The following C6orf132 variants were observed in gnomAD, a reference collection of about 807,000 sequenced individuals.
C6orf132 encodes uncharacterized protein C6orf132.
In C6orf132, 43 loss-of-function variants were observed where a neutral mutation model predicts 65.3. That is an observed-to-expected ratio of 0.66 (90% CI 0.52 to 0.85). The LOEUF is 0.85. Ranked by LOEUF, C6orf132 falls within the 40% of genes least tolerant of loss-of-function variation. C6orf132 has a pLI of 0.00. For synonymous variants in C6orf132, 631 were observed against 654.1 expected (o/e 0.96, Z 0.54); for missense variants, 1,488 against 1,548.8 (o/e 0.96, Z 0.66).
At chr6:42,121,684 C>T (rs550921510) in intron 2 of C6orf132, among the ~76,000 whole-genome samples, 2 of 152,356 alleles carry the variant, frequency 1.3e-5, no homozygotes, top group Admixed American at 6.5e-5. Flanking sequence ...AGCTACGCAT[C>T]GTGGAATGCA....
rs1447276724 is a variant in C6orf132 at position 42,131,909 on chromosome 6, C to T, written c.146-3131G>A. Among the ~76,000 whole-genome samples the T allele has an allele frequency of 2.0e-5, 3 of 152,184 alleles. No individual in the cohort carries two copies. The South Asian group carries it at 6.2e-4, about 32-fold the overall frequency. ...AGGTGGCTCCTCTCGCTACCAGGCA[C>T]CTCTGGAAAATCGGATTTGATTTCC... On this transcript the variant is annotated intron_variant, in intron 1 of 4. Transcript: ENST00000341865.
At chr6:42,120,783 G>C (rs924474094) in intron 2 of C6orf132, among the ~76,000 whole-genome samples, 1 of 150,688 alleles carries the variant, frequency 6.6e-6, no homozygotes, top group African/African-American at 2.4e-5. Context: ...CACCATGCCC[G>C]GCTAATTTTT....
intron 3 of C6orf132, among the ~76,000 whole-genome samples, chr6:42,107,906 C>G (rs931064576): frequency 6.6e-6 from 1 of 152,126 alleles, no homozygotes; most frequent in African/African-American, 2.4e-5. Context: ...GGGGTGGGGA[C>G]AAGAGGGCCA....
At position 42,107,357 on chromosome 6, in the gene C6orf132, G is replaced by T; in HGVS notation, c.555C>A (p.Ser185Arg). 2 of 1,024,650 alleles carry T rather than the reference G, an allele frequency of 2.0e-6. No homozygotes were observed. Among genetic ancestry groups the T allele is most frequent in the Non-Finnish European group, 2.8e-6 (2 of 712,484 alleles). 63.5% of individuals were successfully genotyped at this position (1,024,650 alleles called of 1,614,324 possible). ...PLLLEPPPPP[S>R]MAPPPPPVLE... is the part of the protein sequence containing the mutation. ...ATACTGGGGGTGGAGGTGGGGCCAT[G>T]CTGGGCGGGGGTGGGGGTTCCAGCA... Residue 185 changes from serine to arginine, a missense_variant, in exon 4 of 5, where the codon AGC (serine) becomes AGA (arginine). By Grantham distance (110) the Ser-to-Arg change is moderately radical. Coordinates refer to ENST00000341865, the MANE Select transcript of C6orf132 (RefSeq NM_001164446.3).
chr6:42,131,655 G>A (rs563349432), intron 1 of C6orf132, among the ~76,000 whole-genome samples: 53 of 152,326 alleles, frequency 3.5e-4, no homozygotes, highest in Non-Finnish European at 7.2e-4. Context: ...CAGCTTGTTC[G>A]AAGCCTGCTG....
rs1410933482 is a variant in C6orf132, at chr6:42,115,296, A to G, written c.253-5005T>C. Among the ~76,000 whole-genome samples, 11 of 150,368 alleles carry G rather than the reference A, an allele frequency of 7.3e-5. 1 individual carries two copies. Among genetic ancestry groups the G allele is most frequent in the Admixed American group, 7.3e-4 (11 of 15,096 alleles). ...CAGAGTAAGACTCCATCTCAAAAAA[A>G]AAAAAAAAAAGAAAAGAAAAAGTTA... On this transcript the variant is annotated intron_variant, in intron 2 of 4. Transcript: ENST00000341865.
Position 42,103,826 on chromosome 6 carries a change from T to G in C6orf132, c.3502A>C (p.Arg1168=), listed in dbSNP as rs1285421622. Residue 1168 remains arginine, a synonymous_variant, in exon 5 of 5, where the codon AGG becomes CGG. Transcript: ENST00000341865. The stretch of plus-strand genomic sequence containing the variant: ...GAGATGGGATGGCGGGTCCCAGGCC[T>G]CACGGTGAACGTGTTGATGGGGCTT... ...YGSPINTFTV[R]PGTRHPISYV... is the part of the protein sequence containing the mutation. 3 of 1,491,532 alleles carry G rather than the reference T, an allele frequency of 2.0e-6. No individual in the cohort carries two copies. The South Asian group carries it at 3.8e-5, about 19-fold the overall frequency. 92.4% of individuals were successfully genotyped at this position (1,491,532 alleles called of 1,614,324 possible). A position where few individuals can be genotyped will look rare whatever the true frequency, so the allele number is the denominator to read the frequency against.
intron 1 of C6orf132, among the ~76,000 whole-genome samples, chr6:42,133,737 T>A (rs1766893061): frequency 6.8e-6 from 1 of 146,148 alleles, no homozygotes; most frequent in Non-Finnish European, 1.5e-5. Flanking sequence ...TCCCCCCAAA[T>A]GGAATCCTAT....
intron 1 of C6orf132, among the ~76,000 whole-genome samples, chr6:42,131,232 G>C (rs1430407001): frequency 3.9e-5 from 6 of 151,938 alleles, no homozygotes; most frequent in Non-Finnish European, 8.8e-5. Context: ...TGTTGGCCAG[G>C]CTGATCTCAA....
chr6:42,138,257 C>G (rs1045156830), intron 1 of C6orf132, among the ~76,000 whole-genome samples: 1 of 152,200 alleles, frequency 6.6e-6, no homozygotes, highest in Non-Finnish European at 1.5e-5. Context: ...AGCAATCCTC[C>G]TGCCTTGGCT....
At chr6:42,115,202 A>T (rs1766546938) in intron 2 of C6orf132, among the ~76,000 whole-genome samples, 1 of 150,422 alleles carries the variant, frequency 6.6e-6, no homozygotes, top group Non-Finnish European at 1.5e-5. Context: ...AGGCAGGGGA[A>T]TCACTTGAAC....
chr6:42,110,039 C>T (rs1766470870), intron 3 of C6orf132, among the ~76,000 whole-genome samples, 177 bp downstream of exon 3: 1 of 152,224 alleles, frequency 6.6e-6, no homozygotes, highest in African/African-American at 2.4e-5. Context: ...ACTCCCAGCC[C>T]CACTGCCCTA....
chr6:42,105,353 CCTT>C lies in C6orf132; in HGVS notation c.2556_2558del (p.Arg853del). ...ACCGACCCAGGGCAGCCCCTACAGA[CCTT>C]CCCTTCTGAGCCCTCTGCCTGGCCG... On this transcript the variant is annotated inframe_deletion, in exon 4 of 5. Coordinates refer to ENST00000341865, the MANE Select transcript of C6orf132 (RefSeq NM_001164446.3). 1 of 1,536,772 alleles carries C rather than the reference CCTT, an allele frequency of 6.5e-7. No individual in the cohort carries two copies.
intron 2 of C6orf132, among the ~76,000 whole-genome samples, chr6:42,115,604 G>C (rs1210019218): frequency 1.3e-5 from 2 of 148,400 alleles, no homozygotes; most frequent in African/African-American, 2.5e-5. Context: ...CGAGATGGAG[G>C]CACTGCACTC....
At position 42,106,041 on chromosome 6, in the gene C6orf132, G is replaced by C; in HGVS notation, c.1871C>G (p.Thr624Ser). 3 of 1,537,252 alleles carry C rather than the reference G, an allele frequency of 2.0e-6. No homozygotes were observed. Among genetic ancestry groups the C allele is most frequent in the Non-Finnish European group, 2.6e-6 (3 of 1,146,900 alleles). The change falls in exon 4 of 5, where the codon ACC (threonine) becomes AGC (serine). Residue 624 changes from threonine to serine, a missense_variant. By Grantham distance (58) the Thr-to-Ser change is moderately conservative. Transcript: ENST00000341865. Reference protein sequence around the residue: ...VAKNLPPQSTTLLPTTSLQPK... With the variant: ...VAKNLPPQSTSLLPTTSLQPK... Reference sequence around the variant, plus strand: ...CTGGAGTGATGTAGTTGGCAGCAGGGTGGTGGATTGAGGTGGCAGATTCTT... The same window carrying C: ...CTGGAGTGATGTAGTTGGCAGCAGGCTGGTGGATTGAGGTGGCAGATTCTT...
intron 1 of C6orf132, among the ~76,000 whole-genome samples, chr6:42,129,256 G>A (rs951504880): frequency 2.0e-5 from 3 of 152,208 alleles, no homozygotes; most frequent in Non-Finnish European, 4.4e-5. Flanking sequence ...CCATCATCTG[G>A]ACTCCCTAAC....
At position 42,107,128 on chromosome 6, in the gene C6orf132, C is replaced by T. The variant is rs1455445454; in HGVS notation, c.784G>A (p.Val262Ile). 10 of 1,444,506 alleles carry T rather than the reference C, an allele frequency of 6.9e-6. No individual in the cohort carries two copies. The highest frequency in any genetic ancestry group is 9.1e-6 in the Non-Finnish European group (10 of 1,103,190). 89.5% of individuals were successfully genotyped at this position (1,444,506 alleles called of 1,614,324 possible). ...TCTGCCTGCCTGCCATTCAGTGCTA[C>T]ATCTGATTTCCACTTGGTGACACCC... The part of the protein sequence containing the change: ...PGGVTKWKSD[V>I]ALNGRQAEAT... Residue 262 changes from valine to isoleucine, a missense_variant, in exon 4 of 5, where the codon GTA becomes ATA. Val to Ile is a conservative substitution (Grantham distance 29). Coordinates refer to ENST00000341865, the MANE Select transcript of C6orf132 (RefSeq NM_001164446.3).
Position 42,114,065 on chromosome 6 carries a change from G to A in C6orf132, c.253-3774C>T, listed in dbSNP as rs369567146. Among the ~76,000 whole-genome samples the A allele has an allele frequency of 3.7e-4, 57 of 152,252 alleles. 1 individual carries two copies. The South Asian group carries it at 0.012, about 31-fold the overall frequency. ...GAATGCTTAATGGTGTGTGTGGGAG[G>A]AAGACGGATAGACTTTATAGGCCTA... is the stretch of plus-strand genomic sequence containing the variant. On this transcript the variant is annotated intron_variant, in intron 2 of 4. Coordinates refer to ENST00000341865, the MANE Select transcript of C6orf132 (RefSeq NM_001164446.3).
At position 42,135,827 on chromosome 6, in the gene C6orf132, A is replaced by G. The variant is rs147954974; in HGVS notation, c.145+6473T>C. Among the ~76,000 whole-genome samples, 140 of 152,372 alleles carry G rather than the reference A, an allele frequency of 9.2e-4. 1 individual carries two copies. Among genetic ancestry groups the G allele is most frequent in the Middle Eastern group, 3.4e-3 (1 of 294 alleles). ...TTTGCAGTTGAGGAAACTGAGGCTC[A>G]GAGAGGTTAAGTCCCTTGCCCAAGT... On this transcript the variant is annotated intron_variant, in intron 1 of 4. Transcript: ENST00000341865.
Sources: gnomAD v4.1 joint callset for allele counts (sites outside exome capture counted in the v4.1 genomes callset) on GRCh38, gnomAD v4.1.1 for gene constraint, MANE v1.5 for transcripts, NCBI Gene and HGNC (gene_info 2026-07-23, HGNC 2026-07-21) for gene names.